The following PRRT1B variants were observed in gnomAD, a reference collection of about 807,000 sequenced individuals.
PRRT1B encodes the protein proline rich transmembrane protein 1B.
At position 131,551,110 on chromosome 9, in the gene PRRT1B, T is replaced by C. The variant is rs1467079390; in HGVS notation, c.26-3447T>C. ...GGCACCCGCCACCATGCTCCGCTAATTTTTTGTATTTTTAGTAGAGACGGG... is the reference window on the plus strand; with the variant it reads ...GGCACCCGCCACCATGCTCCGCTAACTTTTTGTATTTTTAGTAGAGACGGG... On this transcript the variant is annotated intron_variant, in intron 1 of 3. Coordinates refer to ENST00000636672, the Ensembl canonical transcript of PRRT1B. The surrounding 1 kb of genome is among the most constrained non-coding windows in gnomAD (Gnocchi z 4.4). Among the ~76,000 whole-genome samples, 1 of 151,762 alleles carries C rather than the reference T, an allele frequency of 6.6e-6. No individual in the cohort carries two copies. The highest frequency in any genetic ancestry group is 1.5e-5 in the Non-Finnish European group (1 of 67,930).
chr9:131,557,378 A>T (rs539519562), intron 3 of PRRT1B, among the ~76,000 whole-genome samples: 1 of 152,292 alleles, frequency 6.6e-6, no homozygotes, highest in South Asian at 2.1e-4. Context: ...GTCTCTACTA[A>T]AAATACAAAA....
exon 3 of PRRT1B, chr9:131,556,081 G>T (rs776210666): frequency 1.0e-5 from 4 of 400,928 alleles, no homozygotes; most frequent in African/African-American, 4.1e-5. Flanking sequence ...ACAATGGCCC[G>T]ATGGCTGGCG....
intron 1 of PRRT1B, among the ~76,000 whole-genome samples, chr9:131,550,459 C>T (rs1351125093): frequency 6.6e-6 from 1 of 152,210 alleles, no homozygotes; most frequent in Non-Finnish European, 1.5e-5. Context: ...GCCCCCATTA[C>T]TTCAGTCAAG....
At chr9:131,554,497 C>A (rs1418744844) in intron 1 of PRRT1B, 60 bp from the exon 2 acceptor site, 2 of 373,616 alleles carry the variant, frequency 5.4e-6, no homozygotes, top group Non-Finnish European at 9.5e-6. Context: ...ACTGCGGGAC[C>A]AGCGACGTCC....
intron 1 of PRRT1B, among the ~76,000 whole-genome samples, chr9:131,550,839 C>G (rs570593722): frequency 8.5e-5 from 13 of 152,154 alleles, no homozygotes; most frequent in Non-Finnish European, 1.6e-4. Flanking sequence ...TCAATTCTGT[C>G]CTGGGTCCTC....
chr9:131,553,251 C>T (rs77867613), intron 1 of PRRT1B, among the ~76,000 whole-genome samples: 224 of 152,308 alleles, frequency 1.5e-3, no homozygotes, highest in Non-Finnish European at 2.2e-3. Context: ...TTCTCATCTT[C>T]CCAAACAGAA....
chr9:131,554,820 C>G (rs569118911), exon 2 of PRRT1B: 8 of 363,314 alleles, frequency 2.2e-5, no homozygotes, highest in Admixed American at 1.4e-4. Flanking sequence ...CGGCGCCCCC[C>G]ACATCGGCTT....
At chr9:131,548,019 C>G (rs1950987006) in intron 1 of PRRT1B, among the ~76,000 whole-genome samples, 1 of 152,192 alleles carries the variant, frequency 6.6e-6, no homozygotes, top group African/African-American at 2.4e-5. Context: ...TATACACCCA[C>G]AATCCATTGG....
rs1289520895 is a variant in PRRT1B, at chr9:131,551,619, C to G, written c.26-2938C>G. On this transcript the variant is annotated intron_variant, in intron 1 of 3. Transcript: ENST00000636672. The surrounding 1 kb of genome is among the most constrained non-coding windows in gnomAD (Gnocchi z 4.4). ...GGCCGGTTCCTGCCTTAACTGATGA[C>G]ATTCCACCACAAAAGAAGTGAAAAT... Among the ~76,000 whole-genome samples the G allele has an allele frequency of 2.6e-5, 4 of 151,762 alleles. No individual in the cohort carries two copies. Among genetic ancestry groups the G allele is most frequent in the African/African-American group, 9.7e-5 (4 of 41,408 alleles).
At chr9:131,557,240 A>AAT (rs1212880805) in intron 3 of PRRT1B, among the ~76,000 whole-genome samples, 5 of 152,054 alleles carry the variant, frequency 3.3e-5, no homozygotes, top group Admixed American at 6.6e-5. Context: ...ATGACACTCT[A>AAT]ATAGAGACAG....
At chr9:131,558,234 G>A (rs1425211035) in exon 4 of PRRT1B, 15 of 400,830 alleles carry the variant, frequency 3.7e-5, no homozygotes, top group Admixed American at 1.8e-4. Flanking sequence ...GCCGGATGCC[G>A]GAATGTCCAC....
chr9:131,557,544 AAAAC>A (rs1951058451), intron 3 of PRRT1B, among the ~76,000 whole-genome samples: 2 of 152,158 alleles, frequency 1.3e-5, no homozygotes, highest in Admixed American at 6.5e-5. Context: ...TCTCAAGAAA[AAAAC>A]AAACAAAAGC....
At position 131,558,142 on chromosome 9, in the gene PRRT1B, C is replaced by T. The variant is rs147110490; in HGVS notation, c.732C>T (p.Phe244=). The change falls in exon 4 of 4, where the codon TTC becomes TTT. Residue 244 remains phenylalanine (F), a synonymous_variant. Transcript: ENST00000636672. ...CGCTGGTGCTCTTCAGCCTGCTCTTCGGGGTCTTCGTGTCTACCAGCTGGG... is the reference window on the plus strand; with the variant it reads ...CGCTGGTGCTCTTCAGCCTGCTCTTTGGGGTCTTCGTGTCTACCAGCTGGG... 2,493 of 401,042 alleles carry T rather than the reference C, an allele frequency of 6.2e-3. 13 individuals are homozygous for T. Among genetic ancestry groups the T allele is most frequent in the South Asian group, 0.017 (139 of 7,950 alleles). 24.8% of individuals were successfully genotyped at this position (401,042 alleles called of 1,614,324 possible). A position where few individuals can be genotyped will look rare whatever the true frequency, so the allele number is the denominator to read the frequency against.
chr9:131,558,887 G>A (rs1283303248), downstream of PRRT1B, among the ~76,000 whole-genome samples: 2 of 152,166 alleles, frequency 1.3e-5, no homozygotes, highest in African/African-American at 2.4e-5. Flanking sequence ...GGCAACATCT[G>A]TCCACAGTTG....
Position 131,551,195 on chromosome 9 carries a change from G to C in PRRT1B, c.26-3362G>C, listed in dbSNP as rs570556275. On this transcript the variant is annotated intron_variant, in intron 1 of 3. Transcript: ENST00000636672. The surrounding 1 kb of genome is among the most constrained non-coding windows in gnomAD (Gnocchi z 4.4). ...CTGACCTCATGATCCACCCGCTTCAGCCTCCCAAAATGCTGGGATTACGGG... is the reference window on the plus strand; with the variant it reads ...CTGACCTCATGATCCACCCGCTTCACCCTCCCAAAATGCTGGGATTACGGG... Among the ~76,000 whole-genome samples, 6 of 152,044 alleles carry C rather than the reference G, an allele frequency of 3.9e-5. No individual in the cohort carries two copies. The highest frequency in any genetic ancestry group is 2.6e-4 in the Admixed American group (4 of 15,274).
chr9:131,554,673 C>T, exon 2 of PRRT1B: 1 of 381,624 alleles, frequency 2.6e-6, no homozygotes, highest in Non-Finnish European at 4.6e-6. Context: ...CCCGCAGCTC[C>T]CGCGCCGCCC....
Position 131,551,779 on chromosome 9 carries a change from T to G in PRRT1B, c.26-2778T>G, listed in dbSNP as rs1249696909. ...ACCAGAGAACAACCCCCTTTGACTG[T>G]AATTTTCCTTTACCTACGCAAATCC... is the stretch of plus-strand genomic sequence containing the variant. On this transcript the variant is annotated intron_variant, in intron 1 of 3. Transcript: ENST00000636672. This position sits in a 1 kb window ranked among gnomAD's most constrained non-coding sequence, Gnocchi z 4.4. Among the ~76,000 whole-genome samples the G allele has an allele frequency of 6.6e-6, 1 of 150,614 alleles. No homozygotes were observed. The highest frequency in any genetic ancestry group is 1.5e-5 in the Non-Finnish European group (1 of 67,748).
rs114362320 is a variant in PRRT1B, at chr9:131,553,940, C to T, written c.26-617C>T. ...GGGTGCTGAAGGCCAGGGCCTGGGTCGGGAGCAAGGCAGCTGGGCAGCTTT... is the reference window on the plus strand; with the variant it reads ...GGGTGCTGAAGGCCAGGGCCTGGGTTGGGAGCAAGGCAGCTGGGCAGCTTT... On this transcript the variant is annotated intron_variant, in intron 1 of 3. Coordinates refer to ENST00000636672, the Ensembl canonical transcript of PRRT1B. 8.6e-3 allele frequency among the ~76,000 whole-genome samples: 1,311 copies of T among 152,304 alleles called. 29 individuals carry two copies. The highest frequency in any genetic ancestry group is 0.029 in the African/African-American group (1,202 of 41,560).
intron 2 of PRRT1B, 119 bp downstream of exon 2, chr9:131,555,148 C>T (rs1025990407): frequency 2.6e-6 from 1 of 381,222 alleles, no homozygotes; most frequent in Admixed American, 4.5e-5. Context: ...CCGGGAGGCT[C>T]CCTGGAGGTG....
Sources: gnomAD v4.1 joint callset for allele counts (sites outside exome capture counted in the v4.1 genomes callset) on GRCh38, gnomAD v4.1.1 for gene constraint, Gnocchi (gnomAD v3.1) non-coding constraint, MANE v1.5 for transcripts, NCBI Gene and HGNC (gene_info 2026-07-23, HGNC 2026-07-21) for gene names.